The following BSN variants were observed in gnomAD, a reference collection of about 807,000 sequenced individuals.
BSN encodes bassoon presynaptic cytomatrix protein, also known as protein bassoon.
BSN carries 57 observed loss-of-function variants against 264.8 expected under a neutral mutation model. The ratio of observed to expected loss-of-function variants is 0.22; its 90% CI spans 0.17 to 0.27. The LOEUF is 0.27. Ranked by LOEUF, BSN falls within the 10% of genes least tolerant of loss-of-function variation. The pLI is 1.00. For synonymous variants in BSN, 2,059 were observed against 2,137.3 expected, an observed-to-expected ratio of 0.96 and a Z score of 1.01; for missense variants, 4,615 against 5,232.5, an observed-to-expected ratio of 0.88 and a Z score of 3.64.
chr3:49,643,102 C>T lies in BSN; in HGVS notation c.1468C>T (p.Leu490Phe), dbSNP rs2052478663. 3 of 1,613,448 alleles carry T rather than the reference C, an allele frequency of 1.9e-6. No individual in the cohort carries two copies. In the African/African-American group the frequency reaches 4.0e-5, roughly 21 times the overall value. Residue 490 changes from leucine to phenylalanine, a missense_variant, in exon 3 of 12, where the codon CTC becomes TTC. Physicochemically the swap from Leu to Phe is conservative, Grantham distance 22 (BLOSUM62 0). This residue lies in a region of BSN where 1,197 missense variants were observed against 1,348.0 expected (regional missense o/e 0.89). Transcript: ENST00000296452. ...ANYNTCTTCR[L>F]QVCNLCGFNP... ...CTATAACACATGCACCACCTGCAGG[C>T]TCCAGGTGTGCAACCTGTGTGGCTT...
In BSN at chr3:49,655,767, C is replaced by T. The variant is rs776557378; in HGVS notation, c.6211C>T (p.His2071Tyr). 4.3e-6 allele frequency: 7 copies of T among 1,613,516 alleles called. No individual in the cohort carries two copies. The highest frequency in any genetic ancestry group is 5.9e-6 in the Non-Finnish European group (7 of 1,180,040). ...YSSVSNIYSD[H>Y]RYGPRGDAVG... ...CTCAGTGTCGAACATCTACTCAGAC[C>T]ACAGGTACGGCCCACGGGGAGATGC... Residue 2071 changes from histidine (H) to tyrosine (Y), a missense_variant, in exon 5 of 12, where the codon CAC becomes TAC. His to Tyr is a moderately conservative substitution (Grantham distance 83, BLOSUM62 2). Transcript: ENST00000296452.
In BSN at chr3:49,660,516, C is replaced by T. The variant is rs1575451789; in HGVS notation, c.8671C>T (p.Arg2891Cys). The change falls in exon 6 of 12, where the codon CGC (arginine) becomes TGC (cysteine). Residue 2891 changes from arginine (R) to cysteine (C), a missense_variant. Physicochemically the swap from Arg to Cys is radical, Grantham distance 180. Transcript: ENST00000296452. The surrounding 1 kb of genome is among the most constrained non-coding windows in gnomAD (Gnocchi z 7.1). Reference protein sequence around the residue: ...VSALPPNSLVRKVKRTLPSPP... With the variant: ...VSALPPNSLVCKVKRTLPSPP... Reference sequence around the variant, plus strand: ...GGCGTTGCCACCCAACAGCCTGGTCCGCAAGGTGAAGCGGACACTGCCCAG... The same window carrying T: ...GGCGTTGCCACCCAACAGCCTGGTCTGCAAGGTGAAGCGGACACTGCCCAG... 7 of 1,543,224 alleles carry T rather than the reference C, an allele frequency of 4.5e-6. No individual in the cohort carries two copies. The highest frequency in any genetic ancestry group is 1.4e-5 in the African/African-American group (1 of 72,856).
intron 1 of BSN, among the ~76,000 whole-genome samples, chr3:49,575,644 A>ATGTG (rs569202274): frequency 1.2e-5 from 1 of 84,994 alleles, no homozygotes; most frequent in African/African-American, 4.5e-5. Context: ...ATGTATATAT[A>ATGTG]TGTGTGTGTG....
chr3:49,657,827 A>C lies in BSN; in HGVS notation c.8271A>C (p.Arg2757Ser). The part of the protein sequence containing the change: ...IQIVTPGPLG[R>S]FEKKKPDPLE... Reference sequence around the variant, plus strand: ...TCGTCACCCCAGGGCCTCTGGGCAGATTTGAAAAAAAGAAGCCAGATCCCC... The same window carrying C: ...TCGTCACCCCAGGGCCTCTGGGCAGCTTTGAAAAAAAGAAGCCAGATCCCC... Residue 2757 changes from arginine to serine, a missense_variant, in exon 5 of 12, where the codon AGA becomes AGC. Around this residue, in one of 3 missense-constraint regions of BSN, gnomAD observed 3,415 missense variants for 3,866.4 expected, o/e 0.88. Transcript: ENST00000296452. 1.2e-6 allele frequency: 2 copies of C among 1,606,948 alleles called. No individual in the cohort carries two copies. The highest frequency in any genetic ancestry group is 1.7e-6 in the Non-Finnish European group (2 of 1,176,982).
chr3:49,645,541 G>A (rs946323240), intron 3 of BSN, among the ~76,000 whole-genome samples: 22 of 152,242 alleles, frequency 1.4e-4, no homozygotes, highest in Middle Eastern at 3.4e-3. Context: ...TAGTCCTTCC[G>A]TCCTTATCCT....
intron 2 of BSN, among the ~76,000 whole-genome samples, chr3:49,640,044 C>T (rs202108878): frequency 9.9e-5 from 15 of 151,986 alleles, no homozygotes; most frequent in African/African-American, 3.4e-4. Flanking sequence ...GCTGGAGCCA[C>T]GTGTGGGTAA....
intron 1 of BSN, among the ~76,000 whole-genome samples, chr3:49,598,489 C>T (rs1282645015): frequency 2.0e-5 from 3 of 152,156 alleles, no homozygotes; most frequent in East Asian, 1.9e-4. Context: ...GTGCTTAAGC[C>T]TCTTTGACCA....
chr3:49,594,012 C>T (rs1015613249), intron 1 of BSN, among the ~76,000 whole-genome samples: 6 of 151,970 alleles, frequency 3.9e-5, no homozygotes, highest in African/African-American at 1.2e-4. Flanking sequence ...CCGTGTTAGC[C>T]AGGATGGTCT....
chr3:49,615,983 GTTTATA>G (rs1160869780), intron 1 of BSN, among the ~76,000 whole-genome samples: 1 of 152,210 alleles, frequency 6.6e-6, no homozygotes, highest in African/African-American at 2.4e-5. Context: ...GGAAATTTCT[GTTTATA>G]TTTATTGTCT....
intron 1 of BSN, among the ~76,000 whole-genome samples, chr3:49,591,588 ATTTTTGTTTTTG>A (rs557253321): frequency 6.6e-6 from 1 of 151,102 alleles, no homozygotes; most frequent in Non-Finnish European, 1.5e-5. Flanking sequence ...TTTCTTCCAG[ATTTTTGTTTTTG>A]TTTTTGTTTT....
In BSN at chr3:49,657,907, G is replaced by A; in HGVS notation, c.8351G>A (p.Ser2784Asn). 1 of 1,613,798 alleles carries A rather than the reference G, an allele frequency of 6.2e-7. No homozygotes were observed. Among genetic ancestry groups the A allele is most frequent in the Non-Finnish European group, 8.5e-7 (1 of 1,179,910 alleles). ...LPPESLSQLV[S>N]RQPPKSPQVL... The stretch of plus-strand genomic sequence containing the variant: ...CCGGAGTCTCTCTCACAGCTTGTGA[G>A]CCGCCAGCCTCCCAAGTCCCCTCAG... Residue 2784 changes from serine (S) to asparagine (N), a missense_variant, in exon 5 of 12, where the codon AGC becomes AAC. By Grantham distance (46) the Ser-to-Asn change is conservative. Transcript: ENST00000296452.
rs1243651457 is a variant in BSN, at chr3:49,625,935, G to A, written c.633+552G>A. On this transcript the variant is annotated intron_variant, in intron 2 of 11. Coordinates refer to ENST00000296452, the MANE Select transcript of BSN (RefSeq NM_003458.4). The surrounding 1 kb of genome is among the most constrained non-coding windows in gnomAD (Gnocchi z 4.4). Reference sequence around the variant, plus strand: ...AGTCAGCTGGGGACCTGAGGTGGTGGGGCAGCTACCCCATCCCTAAAGAAA... The same window carrying A: ...AGTCAGCTGGGGACCTGAGGTGGTGAGGCAGCTACCCCATCCCTAAAGAAA... Among the ~76,000 whole-genome samples, 3 of 152,180 alleles carry A rather than the reference G, an allele frequency of 2.0e-5. No individual in the cohort carries two copies. In the East Asian group the frequency reaches 5.8e-4, roughly 29 times the overall value.
At chr3:49,672,847 T>C (rs2052820221), downstream of BSN, among the ~76,000 whole-genome samples, 1 of 144,172 alleles carries the variant, frequency 6.9e-6, no homozygotes, top group South Asian at 2.2e-4. Flanking sequence ...TGGCGCGATC[T>C]CGGCTCACTG....
At chr3:49,554,999 G>A (rs1016809117) in intron 1 of BSN, among the ~76,000 whole-genome samples, 173 bp downstream of exon 1, 1 of 152,212 alleles carries the variant, frequency 6.6e-6, no homozygotes, top group Non-Finnish European at 1.5e-5. Context: ...TTCCTTTCCA[G>A]CTGCCCCGCC....
At chr3:49,637,464 C>T (rs2052428303) in intron 2 of BSN, among the ~76,000 whole-genome samples, 1 of 152,188 alleles carries the variant, frequency 6.6e-6, no homozygotes, top group Non-Finnish European at 1.5e-5. Context: ...CCCAGAACTG[C>T]CCTCCTTGCT....
Position 49,585,699 on chromosome 3 carries a change from A to G in BSN, c.224+30873A>G, listed in dbSNP as rs1159043403. 1.3e-5 allele frequency among the ~76,000 whole-genome samples: 2 copies of G among 152,220 alleles called. No homozygotes were observed. Among genetic ancestry groups the G allele is most frequent in the African/African-American group, 4.8e-5 (2 of 41,458 alleles). On this transcript the variant is annotated intron_variant, in intron 1 of 11. Coordinates refer to ENST00000296452, the MANE Select transcript of BSN (RefSeq NM_003458.4). The surrounding 1 kb of genome is among the most constrained non-coding windows in gnomAD (Gnocchi z 4.7). ...CCAAACTGTTCTTCATAGTGGTTGT[A>G]CTAATTTACATTCCCACTAACAGTG...
chr3:49,653,513 C>T lies in BSN; in HGVS notation c.3957C>T (p.Ala1319=). The part of the protein sequence containing the change: ...TPGTSPTQLA[A]PVSFSTPTSS... Reference sequence around the variant, plus strand: ...GTACCAGTCCCACCCAGCTCGCTGCCCCTGTGTCCTTCTCTACCCCCACCT... The same window carrying T: ...GTACCAGTCCCACCCAGCTCGCTGCTCCTGTGTCCTTCTCTACCCCCACCT... The change falls in exon 5 of 12, where the codon GCC becomes GCT. Residue 1319 remains alanine, a synonymous_variant. Coordinates refer to ENST00000296452, the MANE Select transcript of BSN (RefSeq NM_003458.4). This position sits in a 1 kb window ranked among gnomAD's most constrained non-coding sequence, Gnocchi z 6.3. 6.2e-7 allele frequency: 1 copy of T among 1,613,924 alleles called. No individual in the cohort carries two copies.
At chr3:49,624,275 C>G (rs1012092618) in intron 1 of BSN, among the ~76,000 whole-genome samples, 6 of 135,270 alleles carry the variant, frequency 4.4e-5, no homozygotes, top group Non-Finnish European at 9.3e-5. Context: ...TGCGGGGATT[C>G]CAGGCGTGAG....
rs1379276788 is a variant in BSN at position 49,670,633 on chromosome 3, A to T, written c.*3148A>T. On this transcript the variant is annotated 3_prime_UTR_variant, in exon 12 of 12. Transcript: ENST00000296452. The stretch of plus-strand genomic sequence containing the variant: ...CCTTGGAAAGTAGAGAGCAACAGAC[A>T]CATCTCCAAATGGGCAAGGAGTCTC... The T allele has an allele frequency of 2.0e-5, 3 of 152,298 alleles. No homozygotes were observed. Among genetic ancestry groups the T allele is most frequent in the Admixed American group, 2.0e-4 (3 of 15,286 alleles). The allele number at this position is 152,298 out of a possible 1,614,324, so 9.4% of individuals were successfully genotyped here. A position where few individuals can be genotyped will look rare whatever the true frequency, so the allele number is the denominator to read the frequency against.
Sources: gnomAD v4.1 joint callset for allele counts (sites outside exome capture counted in the v4.1 genomes callset) on GRCh38, gnomAD v4.1.1 for gene constraint, gnomAD v4.1.1 regional missense constraint, Gnocchi (gnomAD v3.1) non-coding constraint, MANE v1.5 for transcripts, NCBI Gene and HGNC (gene_info 2026-07-23, HGNC 2026-07-21) for gene names.